Variants in SGCZ observed in about 807,000 individuals in gnomAD.
The protein encoded by SGCZ is sarcoglycan zeta, also known as zeta-sarcoglycan.
SGCZ carries 40 observed loss-of-function variants against 41.3 expected under a neutral mutation model. That is an observed-to-expected ratio of 0.97 (90% CI 0.75 to 1.26). The LOEUF is 1.26. Ranked by LOEUF, SGCZ falls within the 50% of genes most tolerant of loss-of-function variation. The pLI is 0.00. For missense variants in SGCZ, 552 were observed against 369.8 expected, an observed-to-expected ratio of 1.49 and a Z score of -4.04; for synonymous variants, 206 against 137.5, an observed-to-expected ratio of 1.50 and a Z score of -3.49.
chr8:14,931,818 T>C (rs1464111133), intron 1 of SGCZ, among the ~76,000 whole-genome samples: 1 of 152,000 alleles, frequency 6.6e-6, no homozygotes, highest in Non-Finnish European at 1.5e-5. Flanking sequence ...AACATTCTTA[T>C]TTCACTTTTA....
intron 1 of SGCZ, among the ~76,000 whole-genome samples, chr8:15,117,445 T>C (rs779466932): frequency 6.6e-5 from 10 of 152,238 alleles, no homozygotes; most frequent in East Asian, 5.8e-4. Context: ...TCCAACAAAA[T>C]GCTATTAATT....
chr8:14,835,191 A>G (rs938312123), intron 1 of SGCZ, among the ~76,000 whole-genome samples: 1 of 152,314 alleles, frequency 6.6e-6, no homozygotes, highest in South Asian at 2.1e-4. Flanking sequence ...TTACAGGTGT[A>G]GGAAAGATGG....
intron 4 of SGCZ, among the ~76,000 whole-genome samples, chr8:14,203,732 G>GAA (rs1180654357): frequency 6.6e-6 from 1 of 152,130 alleles, no homozygotes; most frequent in Non-Finnish European, 1.5e-5. Flanking sequence ...GAGGGCTATG[G>GAA]AGAAAGAATC....
intron 1 of SGCZ, among the ~76,000 whole-genome samples, chr8:14,845,452 T>C (rs75212789): frequency 0.03 from 4,574 of 152,126 alleles, 224 homozygotes; most frequent in African/African-American, 0.1. Flanking sequence ...TAATCCAATA[T>C]TATCAGACAC....
chr8:15,137,895 G>C (rs1338873466), intron 1 of SGCZ, among the ~76,000 whole-genome samples: 1 of 152,192 alleles, frequency 6.6e-6, no homozygotes, highest in African/African-American at 2.4e-5. Context: ...GCTGTGAGAA[G>C]AGGGCCACCG....
chr8:14,772,734 A>G (rs1375235489), intron 1 of SGCZ, among the ~76,000 whole-genome samples: 3 of 151,968 alleles, frequency 2.0e-5, no homozygotes, highest in African/African-American at 7.3e-5. Context: ...AATTTCATCC[A>G]TGTCCCTACA....
intron 5 of SGCZ, among the ~76,000 whole-genome samples, chr8:14,137,739 A>C (rs181992609): frequency 1.3e-5 from 2 of 152,222 alleles, no homozygotes; most frequent in African/African-American, 4.8e-5. Flanking sequence ...GAATGGACCC[A>C]AGTTGGAAAA....
intron 1 of SGCZ, among the ~76,000 whole-genome samples, chr8:14,830,893 A>G (rs1286147282): frequency 2.0e-5 from 3 of 152,218 alleles, no homozygotes; most frequent in African/African-American, 7.2e-5. Flanking sequence ...AGAAAAGGAA[A>G]TTATCAGAGC....
At chr8:14,594,719 G>C (rs146215452) in intron 1 of SGCZ, among the ~76,000 whole-genome samples, 1 of 151,862 alleles carries the variant, frequency 6.6e-6, no homozygotes, top group African/African-American at 2.4e-5. Context: ...CTGTCTGTGC[G>C]TTGGGGGTGT....
At chr8:14,289,365 A>G (rs1016577565) in intron 3 of SGCZ, among the ~76,000 whole-genome samples, 1 of 152,098 alleles carries the variant, frequency 6.6e-6, no homozygotes, top group African/African-American at 2.4e-5. Flanking sequence ...TTATGAATTA[A>G]TACCCCTATA....
chr8:14,847,207 A>C (rs1803162086), intron 1 of SGCZ, among the ~76,000 whole-genome samples: 1 of 152,048 alleles, frequency 6.6e-6, no homozygotes, highest in Non-Finnish European at 1.5e-5. Context: ...CAATTCTACA[A>C]AAACTTTTCA....
intron 1 of SGCZ, among the ~76,000 whole-genome samples, chr8:14,566,717 T>C (rs769375509): frequency 6.6e-6 from 1 of 152,248 alleles, no homozygotes; most frequent in African/African-American, 2.4e-5. Flanking sequence ...GCGCCCACTC[T>C]GGCCGTACTT....
At chr8:14,686,646 A>C (rs998081025) in intron 1 of SGCZ, among the ~76,000 whole-genome samples, 1 of 152,104 alleles carries the variant, frequency 6.6e-6, no homozygotes, top group Non-Finnish European at 1.5e-5. Flanking sequence ...GGGGTGCAAT[A>C]GAGATTTCAG....
chr8:14,462,746 T>C (rs552120147), intron 2 of SGCZ, among the ~76,000 whole-genome samples: 1 of 151,900 alleles, frequency 6.6e-6, no homozygotes, highest in East Asian at 1.9e-4. Flanking sequence ...GTTTTCTATT[T>C]ATGCAAGAAA....
intron 1 of SGCZ, among the ~76,000 whole-genome samples, chr8:14,899,398 G>C (rs1403090446): frequency 6.6e-6 from 1 of 152,102 alleles, no homozygotes; most frequent in East Asian, 1.9e-4. Context: ...TGACCTTAAA[G>C]ATTTTATAGT....
At position 14,516,111 on chromosome 8, in the gene SGCZ, C is replaced by T. The variant is rs1042466359; in HGVS notation, c.234+38621G>A. 4.0e-5 allele frequency among the ~76,000 whole-genome samples: 6 copies of T among 148,416 alleles called. No individual in the cohort carries two copies. The East Asian group carries it at 1.0e-3, about 25-fold the overall frequency. On this transcript the variant is annotated intron_variant, in intron 2 of 7. Transcript: ENST00000382080. ...GCAGTATGATCATGATGAAACTTCT[C>T]TTTTTTTTTCTATGTCTGTGGTTTT...
chr8:14,147,539 C>G (rs1803564177), intron 5 of SGCZ, among the ~76,000 whole-genome samples: 2 of 152,014 alleles, frequency 1.3e-5, no homozygotes, highest in Admixed American at 1.3e-4. Context: ...GATCTGCACC[C>G]AACACTGGGA....
intron 1 of SGCZ, among the ~76,000 whole-genome samples, chr8:14,763,977 G>A (rs536355506): frequency 1.3e-5 from 2 of 152,282 alleles, no homozygotes; most frequent in African/African-American, 2.4e-5. Context: ...TACACCTGGT[G>A]TTCAGATGGG....
chr8:14,575,771 C>T (rs139756477), intron 1 of SGCZ, among the ~76,000 whole-genome samples: 20 of 151,834 alleles, frequency 1.3e-4, no homozygotes, highest in African/African-American at 1.7e-4. Context: ...CCTGGCATGG[C>T]GGAACATGCC....
Sources: allele counts gnomAD v4.1 joint callset (sites outside exome capture counted in the v4.1 genomes callset), GRCh38; gene constraint gnomAD v4.1.1; transcripts MANE v1.5; gene names NCBI Gene and HGNC (gene_info 2026-07-23, HGNC 2026-07-21).